Variants in NFIB observed in about 807,000 individuals in gnomAD.
NFIB encodes the protein nuclear factor I B, also known as nuclear factor 1 B-type.
Under a neutral mutation model 61.5 loss-of-function variants are expected in NFIB, and 11 were observed. The observed-to-expected ratio is 0.18, with a 90% CI of 0.11 to 0.30. The LOEUF (loss-of-function observed/expected upper bound fraction) is 0.30, where lower values mean the gene tolerates loss of function less well. NFIB is among the 10% of genes least tolerant of loss of function. The pLI, the probability that NFIB is intolerant of heterozygous loss-of-function variation, is 1.00. For synonymous variants in NFIB, 260 were observed against 216.5 expected (o/e 1.20, Z -1.76); for missense variants, 471 against 608.9 (o/e 0.77, Z 2.38).
intron 4 of NFIB, among the ~76,000 whole-genome samples, chr9:14,150,786 AATATTAATGTTG>A (rs1432552015): frequency 5.3e-5 from 8 of 152,136 alleles, no homozygotes; most frequent in East Asian, 1.9e-4. Context: ...AATCCACTCA[AATATTAATGTTG>A]ATATTAATGT....
At chr9:14,353,220 C>T (rs1277601377) in intron 1 of NFIB, among the ~76,000 whole-genome samples, 3 of 152,160 alleles carry the variant, frequency 2.0e-5, no homozygotes, top group South Asian at 2.1e-4. Context: ...GTCCAGGCCG[C>T]GTGAGCTTCC....
chr9:14,283,837 A>T (rs1009866361), intron 2 of NFIB, among the ~76,000 whole-genome samples: 2 of 152,220 alleles, frequency 1.3e-5, no homozygotes, highest in Admixed American at 1.3e-4. Context: ...TAGAAAGAAG[A>T]AACATTTACA....
chr9:14,475,960 C>T, the NFIB span, among the ~76,000 whole-genome samples: 42 of 152,176 alleles, frequency 2.8e-4, no homozygotes, highest in African/African-American at 9.9e-4. Flanking sequence ...TTCCAAAGGA[C>T]CTGGACCATA....
rs538240467 is a variant in NFIB at position 14,180,228 on chromosome 9, G to A, written c.563-448C>T. 4.6e-5 allele frequency among the ~76,000 whole-genome samples: 7 copies of A among 152,206 alleles called. No homozygotes were observed. The East Asian group carries it at 7.7e-4, about 17-fold the overall frequency. ...GTAAAATACACAGAAATGAGAGTCC[G>A]CTTTTCCATGATTTCACACACAAGT... On this transcript the variant is annotated intron_variant, in intron 2 of 10. Coordinates refer to ENST00000380953, the MANE Select transcript of NFIB (RefSeq NM_001190737.2).
At chr9:14,509,037 T>A in the NFIB span, among the ~76,000 whole-genome samples, 13 of 152,302 alleles carry the variant, frequency 8.5e-5, no homozygotes, top group Admixed American at 6.5e-4. Flanking sequence ...TACATTCTGT[T>A]TATAATAAAT....
chr9:14,470,638 G>A, the NFIB span, among the ~76,000 whole-genome samples: 6 of 152,114 alleles, frequency 3.9e-5, no homozygotes, highest in South Asian at 4.1e-4. Context: ...GAGAGGGCAC[G>A]AGCAGACACG....
chr9:14,291,385 T>C (rs983228816), intron 2 of NFIB, among the ~76,000 whole-genome samples: 1 of 152,042 alleles, frequency 6.6e-6, no homozygotes, highest in Admixed American at 6.6e-5. Flanking sequence ...CTTGGGAGGC[T>C]GATTCAGGAG....
At chr9:14,480,866 C>G in the NFIB span, among the ~76,000 whole-genome samples, 4 of 152,042 alleles carry the variant, frequency 2.6e-5, no homozygotes, top group African/African-American at 9.7e-5. Context: ...AGCCTTTCAG[C>G]TTTTGCATCA....
chr9:14,521,721 C>T, the NFIB span, among the ~76,000 whole-genome samples: 1 of 152,116 alleles, frequency 6.6e-6, no homozygotes, highest in African/African-American at 2.4e-5. Flanking sequence ...CAAAGAAGCA[C>T]CTTTTGGGAC....
the NFIB span, among the ~76,000 whole-genome samples, chr9:14,438,562 G>T: frequency 1.8e-4 from 27 of 152,186 alleles, no homozygotes; most frequent in East Asian, 1.5e-3. Context: ...AGCTGGAAAG[G>T]GGGTGGTGGA....
intron 2 of NFIB, among the ~76,000 whole-genome samples, chr9:14,282,161 A>C (rs2058416823): frequency 1.3e-5 from 2 of 152,174 alleles, no homozygotes; most frequent in Non-Finnish European, 2.9e-5. Context: ...GGCAATTTTT[A>C]AATATTTAAA....
chr9:14,115,827 T>A (rs1382452727), intron 9 of NFIB, among the ~76,000 whole-genome samples: 2 of 152,240 alleles, frequency 1.3e-5, no homozygotes, highest in Non-Finnish European at 2.9e-5. Flanking sequence ...AATGCTCCAA[T>A]AAGTACCAAT....
chr9:14,322,514 C>G (rs577873642), intron 1 of NFIB, among the ~76,000 whole-genome samples: 1 of 152,176 alleles, frequency 6.6e-6, no homozygotes, highest in South Asian at 2.1e-4. Flanking sequence ...CGCACCCTTC[C>G]GCGCCCGGCC....
chr9:14,354,780 CTGTGTGTGTGTGTGTGTG>C lies in NFIB; in HGVS notation c.108+43726_108+43743del, dbSNP rs67877825. ...TGGTTATCTCTATGTAATGGGTACT[CTGTGTGTGTGTGTGTGTG>C]TGTGTGTGTGTGTGTGTGTAGAAAT... On this transcript the variant is annotated intron_variant, in intron 1 of 8. Transcript: ENST00000380934. 8.2e-5 allele frequency among the ~76,000 whole-genome samples: 12 copies of C among 145,774 alleles called. No homozygotes were observed. The South Asian group carries it at 1.1e-3, about 14-fold the overall frequency.
intron 3 of NFIB, among the ~76,000 whole-genome samples, chr9:14,156,205 T>C (rs1314647664): frequency 6.6e-6 from 1 of 152,294 alleles, no homozygotes; most frequent in East Asian, 1.9e-4. Context: ...GTGAATGCTT[T>C]TGACTCGGTA....
chr9:14,476,747 T>C, the NFIB span, among the ~76,000 whole-genome samples: 8 of 152,132 alleles, frequency 5.3e-5, no homozygotes, highest in African/African-American at 1.9e-4. Context: ...CCCGGTAATC[T>C]CTGAGACTAA....
chr9:14,295,454 G>A (rs757960156), intron 2 of NFIB, among the ~76,000 whole-genome samples: 3 of 151,708 alleles, frequency 2.0e-5, no homozygotes, highest in Non-Finnish European at 2.9e-5. Context: ...GTGAAACCCC[G>A]TCTCTACTAA....
At chr9:14,419,147 G>T in the NFIB span, among the ~76,000 whole-genome samples, 1 of 151,194 alleles carries the variant, frequency 6.6e-6, no homozygotes, top group Admixed American at 6.6e-5. Flanking sequence ...ACTAAAGTGG[G>T]ACTGGGGAGC....
intron 2 of NFIB, among the ~76,000 whole-genome samples, chr9:14,260,645 G>T (rs957893324): frequency 5.9e-5 from 9 of 152,164 alleles, no homozygotes. Context: ...TAACATGGAG[G>T]TGTGCCAGTC....
Sources: gnomAD v4.1 joint callset for allele counts (sites outside exome capture counted in the v4.1 genomes callset) on GRCh38, gnomAD v4.1.1 for gene constraint, MANE v1.5 for transcripts, NCBI Gene and HGNC (gene_info 2026-07-23, HGNC 2026-07-21) for gene names.